Variants in TNKS observed in about 807,000 individuals in gnomAD.
The protein encoded by TNKS is tankyrase, also known as poly [ADP-ribose] polymerase tankyrase-1.
A neutral mutation model predicts 135.8 loss-of-function variants in TNKS; 72 were observed. The observed-to-expected ratio is 0.53, with a 90% CI of 0.44 to 0.64. The LOEUF (loss-of-function observed/expected upper bound fraction) is 0.64, where lower values mean the gene tolerates loss of function less well. Among genes scored for constraint, TNKS ranks in the 30% least tolerant of loss-of-function variants. The pLI, the probability that TNKS is intolerant of heterozygous loss-of-function variation, is 0.00. For missense variants in TNKS, 1,769 were observed against 1,674.0 expected, an observed-to-expected ratio of 1.06 and a Z score of -0.99; for synonymous variants, 849 against 649.3, an observed-to-expected ratio of 1.31 and a Z score of -4.68.
At chr8:9,614,549 G>T (rs1379799402) in intron 2 of TNKS, among the ~76,000 whole-genome samples, 1 of 152,176 alleles carries the variant, frequency 6.6e-6, no homozygotes. Context: ...AGGACTTACG[G>T]CTTGGTAATG....
At chr8:9,640,576 A>G (rs1800689447) in intron 3 of TNKS, among the ~76,000 whole-genome samples, 1 of 146,190 alleles carries the variant, frequency 6.8e-6, no homozygotes, top group African/African-American at 2.5e-5. Context: ...ACCTGCCTTA[A>G]GTTATATGCA....
intron 1 of TNKS, among the ~76,000 whole-genome samples, chr8:9,565,422 T>TA (rs1424123070): frequency 6.6e-6 from 1 of 152,214 alleles, no homozygotes. Context: ...TTCTTTGGTA[T>TA]ATTTTCTTTT....
At chr8:9,722,711 A>C (rs891101170) in intron 12 of TNKS, among the ~76,000 whole-genome samples, 2 of 152,158 alleles carry the variant, frequency 1.3e-5, no homozygotes, top group African/African-American at 2.4e-5. Flanking sequence ...AAAATTTCTA[A>C]ATTTTCTCAT....
At chr8:9,653,491 C>T (rs912693091) in intron 3 of TNKS, among the ~76,000 whole-genome samples, 6 of 151,804 alleles carry the variant, frequency 4.0e-5, no homozygotes, top group Admixed American at 2.0e-4. Context: ...GTGAGGGCCT[C>T]GTACTGGGTC....
At chr8:9,768,038 G>GT (rs111930269) in intron 25 of TNKS, among the ~76,000 whole-genome samples, 2,463 of 150,278 alleles carry the variant, frequency 0.016, 37 homozygotes, top group African/African-American at 0.042. Context: ...TTTTTTGTTT[G>GT]TTTTTTTGCT....
chr8:9,746,473 A>G (rs1423296097), intron 17 of TNKS, among the ~76,000 whole-genome samples: 1 of 151,978 alleles, frequency 6.6e-6, no homozygotes, highest in Non-Finnish European at 1.5e-5. Context: ...CTGCTCCTTT[A>G]TAGTTCTTCT....
intron 17 of TNKS, among the ~76,000 whole-genome samples, chr8:9,738,987 A>G (rs1443756095): frequency 9.9e-5 from 15 of 151,978 alleles, no homozygotes; most frequent in Non-Finnish European, 2.1e-4. Context: ...TCTGTCTAAT[A>G]TTGACAGTGG....
At chr8:9,608,704 A>G (rs942431558) in intron 2 of TNKS, among the ~76,000 whole-genome samples, 7 of 152,174 alleles carry the variant, frequency 4.6e-5, no homozygotes, top group African/African-American at 1.4e-4. Context: ...ACTCCAGCCA[A>G]TTCTTCTGCC....
intron 1 of TNKS, among the ~76,000 whole-genome samples, chr8:9,567,469 G>A (rs1438516782): frequency 1.3e-5 from 2 of 152,146 alleles, no homozygotes; most frequent in Admixed American, 6.5e-5. Context: ...AGGCTGGAGC[G>A]CAGTGGCGCG....
intron 2 of TNKS, among the ~76,000 whole-genome samples, chr8:9,588,635 T>TA (rs1418072393): frequency 1.3e-5 from 2 of 152,230 alleles, no homozygotes; most frequent in African/African-American, 4.8e-5. Flanking sequence ...GAGGCATGAT[T>TA]AAACATTTTA....
intron 3 of TNKS, among the ~76,000 whole-genome samples, chr8:9,632,769 G>A (rs1371012404): frequency 1.3e-5 from 2 of 151,924 alleles, no homozygotes; most frequent in South Asian, 2.1e-4. Flanking sequence ...TCACTCTGTC[G>A]CCCAGGCTGG....
At chr8:9,727,851 A>G (rs367572291) in intron 13 of TNKS, among the ~76,000 whole-genome samples, 28 of 152,334 alleles carry the variant, frequency 1.8e-4, no homozygotes, top group African/African-American at 6.7e-4. Context: ...TATTTAAAGA[A>G]TAATAGTAAA....
chr8:9,659,249 C>T (rs188042530), intron 3 of TNKS, among the ~76,000 whole-genome samples: 2 of 152,218 alleles, frequency 1.3e-5, no homozygotes, highest in Non-Finnish European at 1.5e-5. Context: ...TAGACATCTA[C>T]AGAACTCTCC....
intron 20 of TNKS, among the ~76,000 whole-genome samples, chr8:9,759,898 C>T (rs1057035744): frequency 2.0e-5 from 3 of 151,906 alleles, no homozygotes; most frequent in African/African-American, 7.3e-5. Context: ...TGGCGTGAAC[C>T]CAGGAGGCGG....
chr8:9,691,970 C>G (rs758442680), intron 5 of TNKS, among the ~76,000 whole-genome samples: 2 of 152,128 alleles, frequency 1.3e-5, no homozygotes, highest in Non-Finnish European at 2.9e-5. Flanking sequence ...TTTACAGCAT[C>G]TCAGATATAA....
intron 3 of TNKS, among the ~76,000 whole-genome samples, chr8:9,655,463 C>A (rs1801319547): frequency 6.6e-6 from 1 of 152,190 alleles, no homozygotes; most frequent in African/African-American, 2.4e-5. Flanking sequence ...GTCCCTGACC[C>A]CCGAGTAGCC....
At chr8:9,725,777 T>C (rs185440994) in intron 12 of TNKS, among the ~76,000 whole-genome samples, 1 of 152,354 alleles carries the variant, frequency 6.6e-6, no homozygotes, top group East Asian at 1.9e-4. Flanking sequence ...AACATACTTT[T>C]GGTTGACATA....
intron 2 of TNKS, among the ~76,000 whole-genome samples, chr8:9,595,690 C>G (rs908050934): frequency 6.6e-6 from 1 of 151,990 alleles, no homozygotes; most frequent in Non-Finnish European, 1.5e-5. Flanking sequence ...AAGCAAAAAA[C>G]TAGAAAAAAA....
Position 9,777,796 on chromosome 8 carries a change from T to C in TNKS, c.*1060T>C, listed in dbSNP as rs922373525. 1.3e-5 allele frequency: 2 copies of C among 152,224 alleles called. No homozygotes were observed. The highest frequency in any genetic ancestry group is 3.8e-4 in the East Asian group (2 of 5,198). 9.4% of individuals were successfully genotyped at this position (152,224 alleles called of 1,614,324 possible). A position where few individuals can be genotyped will look rare whatever the true frequency, so the allele number is the denominator to read the frequency against. On this transcript the variant is annotated 3_prime_UTR_variant, in exon 27 of 27. Coordinates refer to ENST00000310430, the MANE Select transcript of TNKS (RefSeq NM_003747.3). ...TCAAAAGTCAGTGAAATTACTGCAC[T>C]TGATGAGGGTCACAAAAATACCACT...
Sources: gnomAD v4.1 joint callset for allele counts (sites outside exome capture counted in the v4.1 genomes callset) on GRCh38, gnomAD v4.1.1 for gene constraint, MANE v1.5 for transcripts, NCBI Gene and HGNC (gene_info 2026-07-23, HGNC 2026-07-21) for gene names.